ZNF567: variants seen among roughly 807,000 people sequenced by gnomAD.
ZNF567 encodes the protein zinc finger protein 567.
In ZNF567, 36 loss-of-function variants were observed where a neutral mutation model predicts 53.9. The observed-to-expected ratio is 0.67, with a 90% confidence interval of 0.51 to 0.88. The LOEUF is 0.88. ZNF567 is among the 40% of genes least tolerant of loss of function. ZNF567 has a pLI of 0.00. For missense variants in ZNF567, 619 were observed against 764.7 expected (o/e 0.81, Z 2.25); for synonymous variants, 224 against 260.4 (o/e 0.86, Z 1.35).
chr19:36,726,608 G>A (rs1055520950), downstream of ZNF567, among the ~76,000 whole-genome samples: 1 of 152,206 alleles, frequency 6.6e-6, no homozygotes, highest in Non-Finnish European at 1.5e-5. Context: ...CCTTGTTAAT[G>A]ATTTCCATTT....
downstream of ZNF567, among the ~76,000 whole-genome samples, chr19:36,721,732 C>CTTTTTTTTTTCTTTTTTTTTTTTT (rs1568723619): frequency 8.2e-6 from 1 of 121,654 alleles, no homozygotes; most frequent in Non-Finnish European, 1.6e-5. Flanking sequence ...GTACCAGAGT[C>CTTTTTTTTTTCTTTTTTTTTTTTT]TTTTTTTTTT....
chr19:36,720,482 G>T lies in ZNF567; in HGVS notation c.1758G>T (p.Glu586Asp). The change falls in exon 6 of 6, where the codon GAG becomes GAT. Residue 586 changes from glutamate (E) to aspartate (D), a missense_variant. By Grantham distance (45) the Glu-to-Asp change is conservative. Transcript: ENST00000682579. ...ATCATCAAAGAACTCATACGGGAGA[G>T]AAACCATATAAATGTAGTGAATGTG... ...LIHHQRTHTGEKPYKCSECGK... is the reference protein window; with the variant it reads ...LIHHQRTHTGDKPYKCSECGK... 6.2e-7 allele frequency: 1 copy of T among 1,613,922 alleles called. No homozygotes were observed. The highest frequency in any genetic ancestry group is 8.5e-7 in the Non-Finnish European group (1 of 1,179,984).
At position 36,720,403 on chromosome 19, in the gene ZNF567, C is replaced by G; in HGVS notation, c.1679C>G (p.Ser560Cys). The change falls in exon 6 of 6, where the codon TCC (serine) becomes TGC (cysteine). Residue 560 changes from serine (S) to cysteine (C), a missense_variant. Coordinates refer to ENST00000682579, the MANE Select transcript of ZNF567 (RefSeq NM_001322917.1). ...VHQKIHTGQK[S>C]YECPQCGKAF... ...CAGAAAATACATACCGGCCAGAAAT[C>G]CTATGAATGTCCTCAGTGTGGGAAA... The G allele has an allele frequency of 1.9e-6, 3 of 1,614,062 alleles. No individual in the cohort carries two copies. Among genetic ancestry groups the G allele is most frequent in the Non-Finnish European group, 2.5e-6 (3 of 1,180,018 alleles).
At chr19:36,710,212 G>A (rs1056503307) in intron 3 of ZNF567, among the ~76,000 whole-genome samples, 2 of 149,240 alleles carry the variant, frequency 1.3e-5, no homozygotes, top group African/African-American at 2.5e-5. Context: ...TGCTCCTATC[G>A]AGCTTCTCTA....
chr19:36,670,309 C>T, the ZNF567 span, among the ~76,000 whole-genome samples: 7 of 152,198 alleles, frequency 4.6e-5, no homozygotes, highest in South Asian at 2.1e-4. Context: ...GATTACCTGA[C>T]CTGTGGACTG....
intron 3 of ZNF567, among the ~76,000 whole-genome samples, chr19:36,697,876 A>G (rs1004157812): frequency 3.5e-5 from 5 of 144,194 alleles, no homozygotes; most frequent in Admixed American, 3.5e-4. Flanking sequence ...TTCCCCAAGT[A>G]TTGGCATTAC....
chr19:36,702,901 A>G (rs1423175823), intron 3 of ZNF567, among the ~76,000 whole-genome samples: 2 of 151,902 alleles, frequency 1.3e-5, no homozygotes. Context: ...TAGTTTGATC[A>G]TCTGAAGCCT....
intron 3 of ZNF567, among the ~76,000 whole-genome samples, chr19:36,708,451 G>A (rs2039611280): frequency 6.6e-6 from 1 of 152,144 alleles, no homozygotes; most frequent in Non-Finnish European, 1.5e-5. Context: ...AATTTAGTCC[G>A]ATTCCTGGAG....
chr19:36,713,041 G>C (rs1205654500), intron 5 of ZNF567, among the ~76,000 whole-genome samples, 174 bp downstream of exon 5: 1 of 152,146 alleles, frequency 6.6e-6, no homozygotes, highest in African/African-American at 2.4e-5. Flanking sequence ...AGGTATGGTG[G>C]CTCATGCCTA....
upstream of ZNF567, among the ~76,000 whole-genome samples, chr19:36,684,452 G>A (rs1267575078): frequency 1.3e-5 from 2 of 152,104 alleles, no homozygotes; most frequent in East Asian, 3.9e-4. Context: ...ATGCAATGTT[G>A]AAATGGTCTG....
intron 5 of ZNF567, among the ~76,000 whole-genome samples, chr19:36,717,481 A>C (rs1372560832): frequency 6.6e-6 from 1 of 152,180 alleles, no homozygotes; most frequent in Non-Finnish European, 1.5e-5. Context: ...ATCAGGCCTG[A>C]CTGAGGCAAA....
intron 3 of ZNF567, among the ~76,000 whole-genome samples, chr19:36,703,246 C>T (rs10411411): frequency 0.3 from 45,338 of 151,916 alleles, 6,834 homozygotes; most frequent in African/African-American, 0.33. Context: ...TGCGGATTTT[C>T]GTGATCCGCA....
chr19:36,670,761 A>G, the ZNF567 span, among the ~76,000 whole-genome samples: 1 of 152,124 alleles, frequency 6.6e-6, no homozygotes. Context: ...CCAGACACAT[A>G]TCGTAAGTTA....
the ZNF567 span, among the ~76,000 whole-genome samples, chr19:36,677,195 C>T: frequency 6.9e-6 from 1 of 145,020 alleles, no homozygotes; most frequent in African/African-American, 2.5e-5. Flanking sequence ...TGTGGTGGCT[C>T]ACGCCTGTAA....
chr19:36,687,441 T>A (rs993660878), upstream of ZNF567: 1 of 152,284 alleles, frequency 6.6e-6, no homozygotes, highest in African/African-American at 2.4e-5. Flanking sequence ...CTATGAGAAT[T>A]TGGAAGGGGA....
intron 3 of ZNF567, among the ~76,000 whole-genome samples, chr19:36,702,817 T>C (rs924648016): frequency 2.4e-4 from 37 of 152,228 alleles, no homozygotes; most frequent in Non-Finnish European, 5.0e-4. Context: ...ATTCTAGTTA[T>C]ACATTCATCT....
downstream of ZNF567, among the ~76,000 whole-genome samples, chr19:36,724,429 T>G (rs1371996576): frequency 1.3e-5 from 2 of 150,916 alleles, no homozygotes; most frequent in Non-Finnish European, 2.9e-5. Context: ...ATGCCTGTAA[T>G]CCCAGCACTT....
At chr19:36,687,388 G>A (rs1600480462), upstream of ZNF567, 1 of 152,370 alleles carries the variant, frequency 6.6e-6, no homozygotes, top group African/African-American at 2.4e-5. Flanking sequence ...CCGGGAGCTC[G>A]GGGCTTCCTC....
chr19:36,721,393 C>A (rs1449777153), downstream of ZNF567: 2 of 152,096 alleles, frequency 1.3e-5, no homozygotes, highest in Non-Finnish European at 2.9e-5. Context: ...TGGGACTGGA[C>A]TTATTCATTC....
Sources: gnomAD v4.1 joint callset for allele counts (sites outside exome capture counted in the v4.1 genomes callset) on GRCh38, gnomAD v4.1.1 for gene constraint, MANE v1.5 for transcripts, NCBI Gene and HGNC (gene_info 2026-07-23, HGNC 2026-07-21) for gene names.